APAF1: variants seen among roughly 807,000 people sequenced by gnomAD.
APAF1 encodes apoptotic peptidase activating factor 1.
A neutral mutation model predicts 152.4 loss-of-function variants in APAF1; 91 were observed. The ratio of observed to expected loss-of-function variants is 0.60; its 90% CI spans 0.50 to 0.71. The LOEUF is 0.71. APAF1 is among the 30% of genes least tolerant of loss of function. The probability of loss-of-function intolerance (pLI) is 0.00; values close to 1 mark genes in which losing one functional copy is unlikely to be tolerated. For missense variants in APAF1, 1,283 were observed against 1,472.0 expected (o/e 0.87, Z 2.10); for synonymous variants, 484 against 494.1 (o/e 0.98, Z 0.27).
intron 11 of APAF1, 139 bp from the exon 12 acceptor site, chr12:98,671,396 A>G: frequency 1.3e-6 from 1 of 790,700 alleles, no homozygotes; most frequent in Non-Finnish European, 2.2e-6. Context: ...TATATTTGTT[A>G]CTTAATGGTT....
Position 98,667,623 on chromosome 12 carries a change from G to A in APAF1, c.1473G>A (p.Met491Ile), listed in dbSNP as rs1565865083. 1 of 1,613,780 alleles carries A rather than the reference G, an allele frequency of 6.2e-7. No individual in the cohort carries two copies. The highest frequency in any genetic ancestry group is 8.5e-7 in the Non-Finnish European group (1 of 1,180,000). ...GGTACAACTTTCTGGCCTATCACAT[G>A]GCCAGTGCCAAGATGCACAAGGTAA... ...MYWYNFLAYH[M>I]ASAKMHKELC... The change falls in exon 10 of 27, where the codon ATG becomes ATA. Residue 491 changes from methionine to isoleucine, a missense_variant. Coordinates refer to ENST00000551964, the MANE Select transcript of APAF1 (RefSeq NM_181861.2).
chr12:98,730,039 A>C (rs1352450008), intron 26 of APAF1, among the ~76,000 whole-genome samples: 1 of 152,274 alleles, frequency 6.6e-6, no homozygotes, highest in Admixed American at 6.5e-5. Flanking sequence ...AATTATCCTA[A>C]TTTGATCATT....
chr12:98,687,112 C>A (rs1459584142), intron 16 of APAF1, among the ~76,000 whole-genome samples: 1 of 152,128 alleles, frequency 6.6e-6, no homozygotes, highest in Non-Finnish European at 1.5e-5. Flanking sequence ...CGCCTGTAAT[C>A]CCAGCACTTT....
At position 98,706,510 on chromosome 12, in the gene APAF1, A is replaced by AG. The variant is rs1384722116; in HGVS notation, c.2623dup (p.Val875GlyfsTer3). ...TTGTGGAATACAGACTCACGTTCAA[A>AG]GGTGGCTGATTGCAGAGGACATTTA... On this transcript the variant is annotated frameshift_variant, in exon 19 of 27. Coordinates refer to ENST00000551964, the MANE Select transcript of APAF1 (RefSeq NM_181861.2). LOFTEE classifies it high-confidence loss of function. 6.2e-7 allele frequency: 1 copy of AG among 1,613,912 alleles called. No individual in the cohort carries two copies. The highest frequency in any genetic ancestry group is 1.7e-5 in the Admixed American group (1 of 60,004).
intron 4 of APAF1, among the ~76,000 whole-genome samples, chr12:98,656,342 C>T (rs991140864): frequency 2.6e-5 from 4 of 152,196 alleles, no homozygotes; most frequent in Non-Finnish European, 5.9e-5. Context: ...TAAGTGAAGT[C>T]TCAAGGACTT....
intron 7 of APAF1, among the ~76,000 whole-genome samples, chr12:98,663,791 TG>T (rs2097668587): frequency 6.6e-6 from 1 of 151,364 alleles, no homozygotes; most frequent in Non-Finnish European, 1.5e-5. Context: ...CTCGAGTATC[TG>T]GGACTACAGG....
At chr12:98,653,686 A>T (rs2097652134) in intron 4 of APAF1, among the ~76,000 whole-genome samples, 4 of 66,216 alleles carry the variant, frequency 6.0e-5, no homozygotes, top group Non-Finnish European at 8.8e-5. Context: ...AAAAAAAAAA[A>T]AAAAAATATA....
In APAF1 at chr12:98,648,183, G is replaced by C. The variant is rs1593011151; in HGVS notation, c.-41-136G>C. The C allele has an allele frequency of 4.0e-6, 3 of 746,228 alleles. No homozygotes were observed. The East Asian group carries it at 7.7e-5, about 19-fold the overall frequency. 46.2% of individuals were successfully genotyped at this position (746,228 alleles called of 1,614,324 possible). On this transcript the variant is annotated intron_variant, in intron 1 of 26. Transcript: ENST00000551964. ...TTTCTCATACCTTTCCAAGCACTGGGTTTTGTCCATTTAAAAATTTTTGCC... is the reference window on the plus strand; with the variant it reads ...TTTCTCATACCTTTCCAAGCACTGGCTTTTGTCCATTTAAAAATTTTTGCC...
At chr12:98,653,686 AAAAAAATATATATATATATATATATAT>A (rs2097652195) in intron 4 of APAF1, among the ~76,000 whole-genome samples, 1 of 66,226 alleles carries the variant, frequency 1.5e-5, no homozygotes, top group Non-Finnish European at 2.9e-5. Flanking sequence ...AAAAAAAAAA[AAAAAAATATATATATATATATATATAT>A]ATATATATAT....
intron 4 of APAF1, among the ~76,000 whole-genome samples, chr12:98,650,916 CA>C (rs1370611794): frequency 6.6e-6 from 1 of 151,968 alleles, no homozygotes; most frequent in Non-Finnish European, 1.5e-5. Flanking sequence ...TATAATATTC[CA>C]ATTTATAGGT....
At position 98,688,774 on chromosome 12, in the gene APAF1, T is replaced by TTTTTC. The variant is rs372549328; in HGVS notation, c.2304+1916_2304+1920dup. On this transcript the variant is annotated intron_variant, in intron 16 of 26. Coordinates refer to ENST00000551964, the MANE Select transcript of APAF1 (RefSeq NM_181861.2). Reference sequence around the variant, plus strand: ...CAAGCCTAGCCTACCACTCTTTTCTTTTTTCTTTTCTTTTCTTTTTCTTTA... The same window carrying TTTTTC: ...CAAGCCTAGCCTACCACTCTTTTCTTTTTTCTTTTCTTTTCTTTTCTTTTTCTTTA... Among the ~76,000 whole-genome samples, 4 of 151,982 alleles carry TTTTTC rather than the reference T, an allele frequency of 2.6e-5. No homozygotes were observed. In the East Asian group the frequency reaches 5.8e-4, roughly 22 times the overall value.
Position 98,649,602 on chromosome 12 carries a change from A to T in APAF1, c.444A>T (p.Gly148=), listed in dbSNP as rs1414160264. Residue 148 remains glycine (G), a synonymous_variant, in exon 4 of 27, where the codon GGA becomes GGT. Transcript: ENST00000551964. ...TCTCCAAATTGAAAGGTGAACCAGG[A>T]TGGGTCACCATACATGGAATGGCAG... ...QKLSKLKGEP[G]WVTIHGMAGC... 1.9e-6 allele frequency: 3 copies of T among 1,613,898 alleles called. No individual in the cohort carries two copies. Among genetic ancestry groups the T allele is most frequent in the African/African-American group, 2.7e-5 (2 of 74,930 alleles).
intron 12 of APAF1, among the ~76,000 whole-genome samples, 158 bp downstream of exon 12, chr12:98,671,877 A>C (rs1436522443): frequency 6.6e-6 from 1 of 152,240 alleles, no homozygotes; most frequent in South Asian, 2.1e-4. Flanking sequence ...CTAGAGAAGT[A>C]AGCATAGGAG....
rs550534062 is a variant in APAF1 at position 98,682,211 on chromosome 12, G to C, written c.2047-932G>C. On this transcript the variant is annotated intron_variant, in intron 14 of 26. Transcript: ENST00000551964. The stretch of plus-strand genomic sequence containing the variant: ...TGGGACTACAGGCGGCCGCCACCGC[G>C]CCTGGCTAATTTTTTGTATTTTTAG... Among the ~76,000 whole-genome samples, 889 of 152,114 alleles carry C rather than the reference G, an allele frequency of 5.8e-3. 3 individuals are homozygous for C. Among genetic ancestry groups the C allele is most frequent in the Middle Eastern group, 0.014 (4 of 294 alleles).
Position 98,673,600 on chromosome 12 carries a change from A to G in APAF1, c.1793+1881A>G, listed in dbSNP as rs116514277. 3.4e-3 allele frequency among the ~76,000 whole-genome samples: 511 copies of G among 152,292 alleles called. 2 individuals are homozygous for G. Among genetic ancestry groups the G allele is most frequent in the African/African-American group, 0.011 (443 of 41,582 alleles). On this transcript the variant is annotated intron_variant, in intron 12 of 26. Transcript: ENST00000551964. The stretch of plus-strand genomic sequence containing the variant: ...TATCTAAATAGAAGTCCAGGTTGGT[A>G]TCTGTGATCTTTATGGCATTAGGCC...
At chr12:98,701,004 T>C (rs10777943) in intron 17 of APAF1, among the ~76,000 whole-genome samples, 75,707 of 151,256 alleles carry the variant, frequency 0.5, 19,560 homozygotes, top group Admixed American at 0.59. Flanking sequence ...TTTTTTTTTT[T>C]CTTACAAACC....
chr12:98,680,774 A>G (rs2097691407), intron 14 of APAF1, among the ~76,000 whole-genome samples: 1 of 152,186 alleles, frequency 6.6e-6, no homozygotes, highest in African/African-American at 2.4e-5. Context: ...CCTCAGGATT[A>G]AACAAGCAGT....
At position 98,712,408 on chromosome 12, in the gene APAF1, A is replaced by C. The variant is rs145497334; in HGVS notation, c.2931A>C (p.Ala977=). 14 of 1,608,880 alleles carry C rather than the reference A, an allele frequency of 8.7e-6. No homozygotes were observed. The highest frequency in any genetic ancestry group is 6.7e-5 in the Admixed American group (4 of 59,986). Residue 977 remains alanine (A), a synonymous_variant, in exon 21 of 27, where the codon GCA becomes GCC. Transcript: ENST00000551964. The part of the protein sequence containing the change: ...CCLSPHLQYI[A]FGDENGAIEI... ...TAAGTCCACATCTTCAGTACATTGC[A>C]TTTGGAGATGAAAATGGAGCCATTG...
At chr12:98,725,683 A>T in intron 25 of APAF1, 143 bp downstream of exon 25, 1 of 1,143,716 alleles carries the variant, frequency 8.7e-7, no homozygotes, top group South Asian at 1.2e-5. Flanking sequence ...TTTCTTGTGC[A>T]CATTGTATTC....
Sources: allele counts gnomAD v4.1 joint callset (sites outside exome capture counted in the v4.1 genomes callset), GRCh38; gene constraint gnomAD v4.1.1; transcripts MANE v1.5; gene names NCBI Gene and HGNC (gene_info 2026-07-23, HGNC 2026-07-21).